LGR4: variants seen among roughly 807,000 people sequenced by gnomAD.
The protein encoded by LGR4 is leucine-rich repeat-containing G protein-coupled receptor 4.
Under a neutral mutation model 84.8 loss-of-function variants are expected in LGR4, and 44 were observed. The ratio of observed to expected loss-of-function variants is 0.52; its 90% CI spans 0.41 to 0.67. The LOEUF (loss-of-function observed/expected upper bound fraction) is 0.67, where lower values mean the gene tolerates loss of function less well. LGR4 is among the 30% of genes least tolerant of loss of function. The pLI is 0.00. For synonymous variants in LGR4, 429 were observed against 434.3 expected (o/e 0.99, Z 0.15); for missense variants, 1,032 against 1,131.4 (o/e 0.91, Z 1.26).
intron 1 of LGR4, among the ~76,000 whole-genome samples, chr11:27,458,706 T>G (rs1864621085): frequency 6.6e-6 from 1 of 152,006 alleles, no homozygotes; most frequent in African/African-American, 2.4e-5. Flanking sequence ...GCCCAGCTAA[T>G]TTTTGTATTT....
chr11:27,414,021 A>C (rs1863763853), intron 1 of LGR4, among the ~76,000 whole-genome samples: 1 of 152,114 alleles, frequency 6.6e-6, no homozygotes, highest in Non-Finnish European at 1.5e-5. Flanking sequence ...TAACAGTAAC[A>C]GTAGCAGCAA....
In LGR4 at chr11:27,392,522, GAGA is replaced by G; in HGVS notation, c.258-7_258-5del. 7.6e-7 allele frequency: 1 copy of G among 1,320,504 alleles called. No individual in the cohort carries two copies. 81.8% of individuals were successfully genotyped at this position (1,320,504 alleles called of 1,614,324 possible). On this transcript the variant is annotated splice_region_variant and splice_polypyrimidine_tract_variant and intron_variant, in intron 2 of 17. Coordinates refer to ENST00000379214, the MANE Select transcript of LGR4 (RefSeq NM_018490.5). Reference sequence around the variant, plus strand: ...AAGGTCGTTGCCCGCCAATTGTCTAGAGAAAAAAAAAAAAAAAGTAGCAAGAAA... The same window carrying G: ...AAGGTCGTTGCCCGCCAATTGTCTAGAAAAAAAAAAAAAAGTAGCAAGAAA...
chr11:27,455,620 G>A (rs1864560668), intron 1 of LGR4, among the ~76,000 whole-genome samples: 1 of 152,118 alleles, frequency 6.6e-6, no homozygotes, highest in South Asian at 2.1e-4. Flanking sequence ...ACATTCTAAG[G>A]AGCTGAGAAC....
intron 4 of LGR4, among the ~76,000 whole-genome samples, chr11:27,390,221 G>C (rs911629794): frequency 6.6e-6 from 1 of 152,062 alleles, no homozygotes; most frequent in African/African-American, 2.4e-5. Context: ...TTTTCACGCT[G>C]TATTTTCTAA....
intron 1 of LGR4, among the ~76,000 whole-genome samples, chr11:27,419,649 C>CT (rs1009876076): frequency 6.8e-6 from 1 of 146,122 alleles, no homozygotes; most frequent in Non-Finnish European, 1.5e-5. Context: ...TATATATATA[C>CT]ACATATATAT....
intron 5 of LGR4, 60 bp from the exon 6 acceptor site, chr11:27,384,467 T>G: frequency 8.9e-7 from 1 of 1,128,216 alleles, no homozygotes; most frequent in Non-Finnish European, 1.3e-6. Context: ...CTATTATCAT[T>G]GTTTTATATG....
chr11:27,467,844 A>G (rs954518447), intron 1 of LGR4, among the ~76,000 whole-genome samples: 2 of 152,232 alleles, frequency 1.3e-5, no homozygotes, highest in Non-Finnish European at 2.9e-5. Context: ...AAAGATATTC[A>G]TACATCGTTC....
At chr11:27,451,212 GT>G (rs2133444061) in intron 1 of LGR4, among the ~76,000 whole-genome samples, 1 of 152,266 alleles carries the variant, frequency 6.6e-6, no homozygotes, top group East Asian at 1.9e-4. Flanking sequence ...CCAGAGAACT[GT>G]TTAGAACCAT....
At chr11:27,405,751 T>G (rs1863595114) in intron 2 of LGR4, among the ~76,000 whole-genome samples, 1 of 152,158 alleles carries the variant, frequency 6.6e-6, no homozygotes, top group South Asian at 2.1e-4. Flanking sequence ...TAACATCTTT[T>G]GAATAGGTGC....
chr11:27,373,803 A>C, intron 14 of LGR4, 127 bp from the exon 15 acceptor site: 2 of 1,040,766 alleles, frequency 1.9e-6, no homozygotes, highest in Non-Finnish European at 2.8e-6. Flanking sequence ...CTAAAATTAT[A>C]GTTCTAGCAT....
chr11:27,450,745 G>A (rs1052915564), intron 1 of LGR4, among the ~76,000 whole-genome samples: 3 of 152,052 alleles, frequency 2.0e-5, no homozygotes, highest in Non-Finnish European at 4.4e-5. Flanking sequence ...CTGAGATCGC[G>A]CCATTGCACT....
intron 1 of LGR4, among the ~76,000 whole-genome samples, chr11:27,470,873 C>A (rs1260447720): frequency 6.6e-6 from 1 of 152,118 alleles, no homozygotes; most frequent in Non-Finnish European, 1.5e-5. Context: ...AAGCGGAACA[C>A]CTTTGCCACC....
At chr11:27,411,824 C>T (rs1863716446) in intron 2 of LGR4, among the ~76,000 whole-genome samples, 1 of 152,102 alleles carries the variant, frequency 6.6e-6, no homozygotes, top group Non-Finnish European at 1.5e-5. Context: ...GACTCCTGTT[C>T]CCCATTCTCT....
chr11:27,426,128 T>C lies in LGR4; in HGVS notation c.186-13268A>G, dbSNP rs1224374049. Among the ~76,000 whole-genome samples the C allele has an allele frequency of 2.0e-5, 3 of 152,300 alleles. No individual in the cohort carries two copies. In the East Asian group the frequency reaches 5.8e-4, roughly 29 times the overall value. On this transcript the variant is annotated intron_variant, in intron 1 of 17. Transcript: ENST00000379214. ...CCAACCATCTAAATCAAAGAGCTGG[T>C]TGCAGGCGGAAAGAAAGGGAAGACA... is the stretch of plus-strand genomic sequence containing the variant.
chr11:27,381,759 T>G (rs1051024120), intron 7 of LGR4, among the ~76,000 whole-genome samples: 2 of 152,216 alleles, frequency 1.3e-5, no homozygotes, highest in Non-Finnish European at 2.9e-5. Flanking sequence ...TTAAATATTT[T>G]TGTTCTTTCA....
chr11:27,402,811 A>T (rs1303865258), intron 2 of LGR4, among the ~76,000 whole-genome samples: 1 of 152,048 alleles, frequency 6.6e-6, no homozygotes, highest in Non-Finnish European at 1.5e-5. Flanking sequence ...TCCCTACTTC[A>T]TCCTATCTAC....
intron 2 of LGR4, among the ~76,000 whole-genome samples, chr11:27,402,131 C>T (rs1416300498): frequency 1.3e-5 from 2 of 152,158 alleles, no homozygotes; most frequent in South Asian, 2.1e-4. Flanking sequence ...AATATCCTCC[C>T]GTCCACATGA....
intron 2 of LGR4, among the ~76,000 whole-genome samples, chr11:27,398,985 C>T (rs976647304): frequency 1.3e-5 from 2 of 152,126 alleles, no homozygotes; most frequent in African/African-American, 4.8e-5. Context: ...TGGCTCACTG[C>T]AACTGCCGCC....
At chr11:27,412,724 G>T in intron 2 of LGR4, 65 bp downstream of exon 2, 1 of 983,300 alleles carries the variant, frequency 1.0e-6, no homozygotes, top group Non-Finnish European at 1.6e-6. Context: ...TTTCTCTGTA[G>T]CAAAAGCTTC....
Sources: gnomAD v4.1 joint callset for allele counts (sites outside exome capture counted in the v4.1 genomes callset) on GRCh38, gnomAD v4.1.1 for gene constraint, MANE v1.5 for transcripts, NCBI Gene and HGNC (gene_info 2026-07-23, HGNC 2026-07-21) for gene names.